DMD: variants seen among roughly 807,000 people sequenced by gnomAD.
DMD encodes the protein dystrophin, also known as mutant dystrophin.
In DMD, 63 loss-of-function variants were observed where a neutral mutation model predicts 330.1. That is an observed-to-expected ratio of 0.19 (90% CI 0.16 to 0.24). DMD has a LOEUF of 0.24. Among genes scored for constraint, DMD ranks in the 10% least tolerant of loss-of-function variants. DMD has a pLI of 1.00. For synonymous variants in DMD, 1,223 were observed against 959.8 expected, an observed-to-expected ratio of 1.27 and a Z score of -5.07; for missense variants, 3,344 against 2,684.1, an observed-to-expected ratio of 1.25 and a Z score of -5.43.
chrX:31,279,761 C>T (rs1415640437), intron 62 of DMD, among the ~76,000 whole-genome samples: 5 of 112,465 alleles, frequency 4.4e-5, no homozygotes, highest in Non-Finnish European at 7.5e-5. Flanking sequence ...TGGCCCAATC[C>T]ACCCATCAAA....
chrX:33,139,868 T>TAAAAAA lies in DMD; in HGVS notation c.31+71408_31+71413dup, dbSNP rs3990971. Among the ~76,000 whole-genome samples, 18 of 64,375 alleles carry TAAAAAA rather than the reference T, an allele frequency of 2.8e-4. 1 individual carries two copies. The highest frequency in any genetic ancestry group is 1.4e-3 in the African/African-American group (18 of 12,508). 55.9% of individuals were successfully genotyped at this position (64,375 alleles called of 115,157 possible). A position where few individuals can be genotyped will look rare whatever the true frequency, so the allele number is the denominator to read the frequency against. ...GAATTGACTAATACAGCCCCATCGC[T>TAAAAAA]AAAAAAAAAAAAAAAAAAAAAAAAA... On this transcript the variant is annotated intron_variant, in intron 1 of 78. Coordinates refer to ENST00000357033, the MANE Select transcript of DMD (RefSeq NM_004006.3).
intron 1 of DMD, chrX:33,128,953 A>AT (rs1288481614): frequency 8.9e-6 from 1 of 112,371 alleles, no homozygotes; most frequent in Non-Finnish European, 1.9e-5. Flanking sequence ...GCAAATGGAG[A>AT]TTAAGAACGA....
intron 17 of DMD, among the ~76,000 whole-genome samples, chrX:32,536,559 G>T (rs1224810715): frequency 8.9e-6 from 1 of 112,157 alleles, no homozygotes; most frequent in Non-Finnish European, 1.9e-5. Context: ...CTATTAGTCT[G>T]TAAGAAGAAA....
chrX:32,165,026 G>A (rs1414702329), intron 44 of DMD, among the ~76,000 whole-genome samples: 1 of 112,419 alleles, frequency 8.9e-6, no homozygotes, highest in African/African-American at 3.2e-5. Context: ...GGAAACTCCT[G>A]GATGTCCAGG....
chrX:33,138,929 G>A (rs2047654627), intron 1 of DMD, among the ~76,000 whole-genome samples: 1 of 110,964 alleles, frequency 9.0e-6, no homozygotes, highest in Admixed American at 9.7e-5. Flanking sequence ...TTCCTATTTT[G>A]AAGGTTGACA....
At chrX:32,370,805 T>C (rs759641847) in intron 34 of DMD, among the ~76,000 whole-genome samples, 2 of 111,455 alleles carry the variant, frequency 1.8e-5, no homozygotes, top group Non-Finnish European at 3.8e-5. Context: ...GTTATCCAGA[T>C]AATCTAGGAC....
intron 60 of DMD, among the ~76,000 whole-genome samples, chrX:31,439,710 A>G (rs1207582656): frequency 8.9e-6 from 1 of 112,115 alleles, no homozygotes; most frequent in Non-Finnish European, 1.9e-5. Context: ...GAAAAATGGT[A>G]TAATATTCCT....
chrX:31,670,810 G>A (rs2081721930), intron 53 of DMD, among the ~76,000 whole-genome samples: 1 of 111,224 alleles, frequency 9.0e-6, no homozygotes, highest in South Asian at 3.8e-4. Flanking sequence ...GACTGCATCT[G>A]CAAAGACTCT....
intron 11 of DMD, among the ~76,000 whole-genome samples, chrX:32,638,896 G>GA (rs892257353): frequency 1.4e-4 from 15 of 108,016 alleles, no homozygotes; most frequent in Non-Finnish European, 1.7e-4. Flanking sequence ...ACACTTGGGG[G>GA]AAAAAAAAAG....
intron 3 of DMD, among the ~76,000 whole-genome samples, chrX:32,848,897 T>C (rs772286350): frequency 1.3e-3 from 139 of 110,046 alleles, no homozygotes; most frequent in African/African-American, 4.5e-3. Context: ...TAGCGTTAAG[T>C]GTTACAGGAG....
chrX:32,582,089 G>T (rs186566895), intron 13 of DMD, among the ~76,000 whole-genome samples: 2 of 111,498 alleles, frequency 1.8e-5, no homozygotes, highest in East Asian at 5.6e-4. Context: ...ATTTATTAAA[G>T]TTCTTCCCTC....
At chrX:32,676,669 G>A (rs2061991932) in intron 9 of DMD, among the ~76,000 whole-genome samples, 1 of 111,281 alleles carries the variant, frequency 9.0e-6, no homozygotes, top group Non-Finnish European at 1.9e-5. Context: ...TTATTTATCT[G>A]CACCGGCTTA....
intron 15 of DMD, among the ~76,000 whole-genome samples, chrX:32,568,142 A>G (rs184934462): frequency 8.9e-6 from 1 of 112,261 alleles, no homozygotes; most frequent in African/African-American, 3.2e-5. Context: ...AAATGAAAAT[A>G]AGCCTCCTGT....
At chrX:32,404,475 AAT>A (rs2098106094) in intron 30 of DMD, among the ~76,000 whole-genome samples, 1 of 111,499 alleles carries the variant, frequency 9.0e-6, no homozygotes, top group Non-Finnish European at 1.9e-5. Context: ...ATGAGATCAG[AAT>A]TCTTTGGGAA....
At chrX:32,827,171 G>T (rs2078784189) in intron 4 of DMD, among the ~76,000 whole-genome samples, 1 of 107,485 alleles carries the variant, frequency 9.3e-6, no homozygotes, top group Non-Finnish European at 1.9e-5. Context: ...CAATTAGGTA[G>T]GCAACTGTGT....
intron 62 of DMD, among the ~76,000 whole-genome samples, chrX:31,286,184 C>G (rs1173593669): frequency 1.8e-5 from 2 of 112,310 alleles, no homozygotes; most frequent in Non-Finnish European, 3.8e-5. Context: ...AGGTTGTCTT[C>G]TAGACCTAAT....
intron 67 of DMD, 137 bp from the exon 68 acceptor site, chrX:31,183,041 C>T: frequency 1.8e-6 from 1 of 570,373 alleles, no homozygotes; most frequent in Non-Finnish European, 2.7e-6. Flanking sequence ...CAAAGCTAGG[C>T]TGGCTTTTCA....
chrX:32,826,047 C>T (rs1183834756), intron 4 of DMD, among the ~76,000 whole-genome samples: 1 of 111,470 alleles, frequency 9.0e-6, no homozygotes, highest in African/African-American at 3.3e-5. Flanking sequence ...CCTGAATAGA[C>T]ATTTCTCAAA....
intron 44 of DMD, among the ~76,000 whole-genome samples, chrX:32,137,357 A>G (rs1043583513): frequency 2.7e-5 from 3 of 111,895 alleles, no homozygotes; most frequent in African/African-American, 9.7e-5. Context: ...ATAGAAACCT[A>G]GGGATGGAAA....
Sources: allele counts gnomAD v4.1 joint callset (sites outside exome capture counted in the v4.1 genomes callset), GRCh38; gene constraint gnomAD v4.1.1; transcripts MANE v1.5; gene names NCBI Gene and HGNC (gene_info 2026-07-23, HGNC 2026-07-21).